Variants in NUBPL observed in about 807,000 individuals in gnomAD.
NUBPL encodes the protein iron-sulfur cluster transfer protein NUBPL.
A neutral mutation model predicts 45.7 loss-of-function variants in NUBPL; 31 were observed. The observed-to-expected ratio is 0.68, with a 90% CI of 0.51 to 0.92. The LOEUF is 0.92. NUBPL is among the 40% of genes least tolerant of loss of function. The pLI is 0.00. For synonymous variants in NUBPL, 144 were observed against 140.9 expected, an observed-to-expected ratio of 1.02 and a Z score of -0.15; for missense variants, 401 against 398.7, an observed-to-expected ratio of 1.01 and a Z score of -0.05.
chr14:31,702,205 C>T (rs1320282503), intron 6 of NUBPL, among the ~76,000 whole-genome samples: 1 of 152,150 alleles, frequency 6.6e-6, no homozygotes, highest in Non-Finnish European at 1.5e-5. Flanking sequence ...TGTCTTTTCC[C>T]CTCAGAATCA....
At chr14:31,645,576 C>G (rs1286060386) in intron 4 of NUBPL, among the ~76,000 whole-genome samples, 1 of 151,968 alleles carries the variant, frequency 6.6e-6, no homozygotes, top group Non-Finnish European at 1.5e-5. Flanking sequence ...GTGGTTAACC[C>G]TGAGTTTTCT....
rs529639573 is a variant in NUBPL at position 31,644,100 on chromosome 14, T to C, written c.383-29255T>C. Among the ~76,000 whole-genome samples, 4 of 152,184 alleles carry C rather than the reference T, an allele frequency of 2.6e-5. No homozygotes were observed. The South Asian group carries it at 8.3e-4, about 32-fold the overall frequency. ...TGTCTTGTTTAAAAAATCAACTTTTTGTTTCATTGATCTTCTGGGTTTCTT... is the reference window on the plus strand; with the variant it reads ...TGTCTTGTTTAAAAAATCAACTTTTCGTTTCATTGATCTTCTGGGTTTCTT... On this transcript the variant is annotated intron_variant, in intron 4 of 10. Transcript: ENST00000281081.
intron 7 of NUBPL, among the ~76,000 whole-genome samples, chr14:31,808,012 G>T (rs560663759): frequency 8.5e-5 from 13 of 152,258 alleles, no homozygotes; most frequent in Non-Finnish European, 1.3e-4. Flanking sequence ...ACCATGCTGT[G>T]TTGGTTACTG....
chr14:31,587,359 A>T (rs12434789), intron 3 of NUBPL, among the ~76,000 whole-genome samples: 44,483 of 152,062 alleles, frequency 0.29, 7,424 homozygotes, highest in South Asian at 0.41. Flanking sequence ...ATGTGTAGGA[A>T]TAATAATAAT....
chr14:31,740,906 G>A (rs746523461), intron 6 of NUBPL, among the ~76,000 whole-genome samples: 26 of 152,074 alleles, frequency 1.7e-4, no homozygotes, highest in Non-Finnish European at 3.2e-4. Flanking sequence ...CTACTAATAT[G>A]TCCATCAAAG....
chr14:31,753,820 T>C (rs2038587402), intron 6 of NUBPL, among the ~76,000 whole-genome samples: 1 of 152,192 alleles, frequency 6.6e-6, no homozygotes, highest in Admixed American at 6.5e-5. Flanking sequence ...AATTTCAGTG[T>C]TCTTCTTTAG....
At chr14:31,691,678 G>C (rs1042923329) in intron 6 of NUBPL, among the ~76,000 whole-genome samples, 2 of 152,310 alleles carry the variant, frequency 1.3e-5, no homozygotes, top group East Asian at 3.9e-4. Context: ...TTAGCCCAGA[G>C]TGGCAGGCTC....
At chr14:31,710,520 C>A (rs1338769026) in intron 6 of NUBPL, among the ~76,000 whole-genome samples, 2 of 152,062 alleles carry the variant, frequency 1.3e-5, no homozygotes, top group African/African-American at 4.8e-5. Flanking sequence ...AACCTGCACC[C>A]TTTCCTGTCC....
At chr14:31,565,849 A>G (rs1197099267) in intron 3 of NUBPL, among the ~76,000 whole-genome samples, 3 of 151,966 alleles carry the variant, frequency 2.0e-5, no homozygotes, top group African/African-American at 7.2e-5. Context: ...TTTCAGTTCC[A>G]TTCTTTTCCT....
At chr14:31,668,239 C>T (rs184744940) in intron 4 of NUBPL, among the ~76,000 whole-genome samples, 307 of 152,306 alleles carry the variant, frequency 2.0e-3, no homozygotes, top group Non-Finnish European at 3.6e-3. Context: ...TGCTGCCTTT[C>T]TTTCAGAGAT....
At chr14:31,784,380 A>G (rs10220278) in intron 6 of NUBPL, among the ~76,000 whole-genome samples, 8,262 of 152,244 alleles carry the variant, frequency 0.054, 637 homozygotes, top group African/African-American at 0.17. Context: ...TGTATGAGAA[A>G]GGTTAAGAGG....
chr14:31,599,138 G>C (rs968068089), intron 3 of NUBPL, 151 bp from the exon 4 acceptor site: 2 of 679,108 alleles, frequency 2.9e-6, no homozygotes, highest in African/African-American at 1.8e-5. Context: ...TGTTGCTTTG[G>C]AAGTTTAGGT....
intron 4 of NUBPL, among the ~76,000 whole-genome samples, chr14:31,608,294 C>G (rs1351341175): frequency 1.3e-5 from 2 of 152,188 alleles, no homozygotes; most frequent in African/African-American, 4.8e-5. Context: ...TGGCTCACTC[C>G]TATAATCCCA....
At chr14:31,684,921 T>C (rs925315555) in intron 6 of NUBPL, among the ~76,000 whole-genome samples, 4 of 152,178 alleles carry the variant, frequency 2.6e-5, no homozygotes, top group African/African-American at 4.8e-5. Flanking sequence ...TTAACATTCA[T>C]ATTTGGAGGT....
intron 7 of NUBPL, among the ~76,000 whole-genome samples, chr14:31,799,405 C>A (rs940479634): frequency 4.6e-5 from 7 of 152,092 alleles, no homozygotes; most frequent in African/African-American, 1.7e-4. Context: ...TACTAAACAT[C>A]CCTGCAAGAA....
chr14:31,659,438 A>G (rs2036217421), intron 4 of NUBPL, among the ~76,000 whole-genome samples: 1 of 152,216 alleles, frequency 6.6e-6, no homozygotes, highest in South Asian at 2.1e-4. Context: ...AGGCACATAT[A>G]AAATAGGCTG....
intron 7 of NUBPL, among the ~76,000 whole-genome samples, chr14:31,824,101 T>G (rs2138958147): frequency 6.6e-6 from 1 of 152,292 alleles, no homozygotes; most frequent in South Asian, 2.1e-4. Context: ...AATAATGATA[T>G]TAACAGTGAC....
At chr14:31,739,756 T>C (rs1266137209) in intron 6 of NUBPL, among the ~76,000 whole-genome samples, 1 of 152,226 alleles carries the variant, frequency 6.6e-6, no homozygotes, top group Non-Finnish European at 1.5e-5. Context: ...ATATATCAAC[T>C]GTAATAGTAT....
At chr14:31,768,263 G>A (rs944277027) in intron 6 of NUBPL, among the ~76,000 whole-genome samples, 1 of 152,240 alleles carries the variant, frequency 6.6e-6, no homozygotes, top group African/African-American at 2.4e-5. Flanking sequence ...CTCTGAAGAA[G>A]AAGTAAGCCT....
Sources: allele counts gnomAD v4.1 joint callset (sites outside exome capture counted in the v4.1 genomes callset), GRCh38; gene constraint gnomAD v4.1.1; transcripts MANE v1.5; gene names NCBI Gene and HGNC (gene_info 2026-07-23, HGNC 2026-07-21).